SDK1: variants seen among roughly 807,000 people sequenced by gnomAD.
SDK1 encodes the protein protein sidekick-1.
In SDK1, 157 loss-of-function variants were observed where a neutral mutation model predicts 245.5. The ratio of observed to expected loss-of-function variants is 0.64; its 90% CI spans 0.56 to 0.73. The LOEUF is 0.73. Ranked by LOEUF, SDK1 falls within the 30% of genes least tolerant of loss-of-function variation. SDK1 has a pLI of 0.00. For synonymous variants in SDK1, 1,647 were observed against 1,278.5 expected (o/e 1.29, Z -6.15); for missense variants, 3,583 against 3,002.3 (o/e 1.19, Z -4.52).
At chr7:3,853,742 G>A (rs1273456721) in intron 5 of SDK1, among the ~76,000 whole-genome samples, 1 of 152,076 alleles carries the variant, frequency 6.6e-6, no homozygotes, top group African/African-American at 2.4e-5. Flanking sequence ...TGTAATCCCA[G>A]CACTCTGGGA....
chr7:3,997,716 A>G (rs1379052485), intron 14 of SDK1, among the ~76,000 whole-genome samples: 1 of 152,102 alleles, frequency 6.6e-6, no homozygotes, highest in African/African-American at 2.4e-5. Context: ...GTGGGCCTGG[A>G]AAAGGCACCA....
chr7:3,305,084 G>A (rs146399316), intron 1 of SDK1, among the ~76,000 whole-genome samples: 1 of 152,180 alleles, frequency 6.6e-6, no homozygotes, highest in Non-Finnish European at 1.5e-5. Context: ...CCTTGGGCCT[G>A]TGTTCACTTA....
In SDK1 at chr7:3,301,356, C is replaced by G. The variant is rs936348638; in HGVS notation, c.-231C>G. 6.8e-6 allele frequency: 1 copy of G among 147,788 alleles called. No individual in the cohort carries two copies. Among genetic ancestry groups the G allele is most frequent in the Non-Finnish European group, 1.5e-5 (1 of 66,194 alleles). 9.2% of individuals were successfully genotyped at this position (147,788 alleles called of 1,614,324 possible). ...GGCGGGCTCGGGACTGCGTGAGCGC[C>G]GGACGCGAATTTCCCCCGTTGACAA... On this transcript the variant is annotated 5_prime_UTR_variant, in exon 1 of 45. Coordinates refer to ENST00000404826, the MANE Select transcript of SDK1 (RefSeq NM_152744.4).
At chr7:3,533,216 C>T (rs1470146482) in intron 1 of SDK1, among the ~76,000 whole-genome samples, 1 of 152,106 alleles carries the variant, frequency 6.6e-6, no homozygotes, top group Non-Finnish European at 1.5e-5. Flanking sequence ...AATGTCACTC[C>T]TGATAAGACT....
chr7:3,643,430 C>T (rs1782716095), intron 4 of SDK1: 3 of 149,578 alleles, frequency 2.0e-5, no homozygotes, highest in African/African-American at 7.5e-5. Context: ...CGTCTCCTAC[C>T]CCCACCTGAG....
intron 4 of SDK1, among the ~76,000 whole-genome samples, chr7:3,719,474 C>A (rs1785300423): frequency 6.6e-6 from 1 of 151,982 alleles, no homozygotes; most frequent in African/African-American, 2.4e-5. Flanking sequence ...AGACAGAGAA[C>A]CCAGAAACAG....
At chr7:3,558,001 C>A (rs566102763) in intron 1 of SDK1, among the ~76,000 whole-genome samples, 1 of 150,422 alleles carries the variant, frequency 6.6e-6, no homozygotes, top group Non-Finnish European at 1.5e-5. Context: ...TTTCCCTCCC[C>A]CACCCCCCGA....
intron 1 of SDK1, among the ~76,000 whole-genome samples, chr7:3,600,790 C>T (rs755185307): frequency 2.6e-5 from 4 of 151,962 alleles, no homozygotes; most frequent in Non-Finnish European, 4.4e-5. Context: ...CCTCATGATC[C>T]GGCCATCTCG....
chr7:3,795,881 C>A (rs961932181), intron 4 of SDK1, among the ~76,000 whole-genome samples: 5 of 152,098 alleles, frequency 3.3e-5, no homozygotes, highest in Non-Finnish European at 7.4e-5. Flanking sequence ...TCAGAGAGGG[C>A]AATAAATCTA....
intron 16 of SDK1, among the ~76,000 whole-genome samples, chr7:4,015,904 A>G (rs1230899153): frequency 6.6e-6 from 1 of 152,214 alleles, no homozygotes; most frequent in African/African-American, 2.4e-5. Flanking sequence ...AGGGAACGGG[A>G]GAATGCTCTC....
intron 4 of SDK1, among the ~76,000 whole-genome samples, chr7:3,792,955 C>G (rs1233120459): frequency 6.6e-6 from 1 of 152,164 alleles, no homozygotes. Flanking sequence ...GAAATGTTAA[C>G]TTTGTAATAA....
chr7:3,883,663 C>G (rs564306669), intron 5 of SDK1, among the ~76,000 whole-genome samples: 1 of 151,924 alleles, frequency 6.6e-6, no homozygotes, highest in Admixed American at 6.6e-5. Context: ...AACCAGAAAC[C>G]TAGAGTCGTC....
At chr7:3,680,715 A>G (rs941248585) in intron 4 of SDK1, among the ~76,000 whole-genome samples, 1 of 152,238 alleles carries the variant, frequency 6.6e-6, no homozygotes, top group Non-Finnish European at 1.5e-5. Context: ...ATGTCAAGAA[A>G]TGGAACCTGT....
chr7:4,065,200 A>G (rs1462416830), intron 19 of SDK1, among the ~76,000 whole-genome samples: 3 of 152,206 alleles, frequency 2.0e-5, no homozygotes, highest in African/African-American at 4.8e-5. Context: ...TTATGTATCA[A>G]TAAAAAAGAA....
chr7:4,222,356 G>A lies in SDK1; in HGVS notation c.5827+992G>A, dbSNP rs567691083. Among the ~76,000 whole-genome samples, 19 of 152,250 alleles carry A rather than the reference G, an allele frequency of 1.2e-4. 1 individual carries two copies. Among genetic ancestry groups the A allele is most frequent in the African/African-American group, 4.6e-4 (19 of 41,546 alleles). Reference sequence around the variant, plus strand: ...GTCACCCAGCCTGGAGTGCAGTGGTGCAATCTCAGCTCCCTGCAATCTCTG... The same window carrying A: ...GTCACCCAGCCTGGAGTGCAGTGGTACAATCTCAGCTCCCTGCAATCTCTG... On this transcript the variant is annotated intron_variant, in intron 40 of 44. Coordinates refer to ENST00000404826, the MANE Select transcript of SDK1 (RefSeq NM_152744.4).
intron 4 of SDK1, among the ~76,000 whole-genome samples, chr7:3,782,566 A>G (rs1780778856): frequency 6.6e-6 from 1 of 152,240 alleles, no homozygotes; most frequent in Admixed American, 6.5e-5. Flanking sequence ...GAGCAGCAAG[A>G]GATAAGAAAC....
At chr7:3,418,746 T>C (rs1779452798) in intron 1 of SDK1, among the ~76,000 whole-genome samples, 1 of 152,192 alleles carries the variant, frequency 6.6e-6, no homozygotes, top group Non-Finnish European at 1.5e-5. Context: ...TGTTCTACTT[T>C]TGAAAATTAA....
intron 30 of SDK1, among the ~76,000 whole-genome samples, chr7:4,157,191 C>G (rs945090653): frequency 3.3e-5 from 5 of 151,800 alleles, no homozygotes; most frequent in Non-Finnish European, 5.9e-5. Context: ...AAGTCTTAGT[C>G]TCAGGCATGG....
At chr7:3,968,247 CA>C (rs1417869345) in intron 10 of SDK1, among the ~76,000 whole-genome samples, 1 of 152,224 alleles carries the variant, frequency 6.6e-6, no homozygotes, top group African/African-American at 2.4e-5. Context: ...ACTGTGGGTT[CA>C]GTTCCTGGGA....
Sources: gnomAD v4.1 joint callset for allele counts (sites outside exome capture counted in the v4.1 genomes callset) on GRCh38, gnomAD v4.1.1 for gene constraint, MANE v1.5 for transcripts, NCBI Gene and HGNC (gene_info 2026-07-23, HGNC 2026-07-21) for gene names.